Variants in PHF20 observed in about 807,000 individuals in gnomAD.
PHF20 encodes glioma-expressed antigen 2.
A neutral mutation model predicts 113.5 loss-of-function variants in PHF20; 23 were observed. That is an observed-to-expected ratio of 0.20 (90% CI 0.15 to 0.29). PHF20 has a LOEUF of 0.29. Ranked by LOEUF, PHF20 falls within the 10% of genes least tolerant of loss-of-function variation. The probability of loss-of-function intolerance (pLI) is 1.00; values close to 1 mark genes in which losing one functional copy is unlikely to be tolerated. For synonymous variants in PHF20, 434 were observed against 457.3 expected, an observed-to-expected ratio of 0.95 and a Z score of 0.65; for missense variants, 943 against 1,219.6, an observed-to-expected ratio of 0.77 and a Z score of 3.38.
intron 14 of PHF20, among the ~76,000 whole-genome samples, chr20:35,928,337 G>A (rs2055683351): frequency 6.6e-6 from 1 of 151,510 alleles, no homozygotes; most frequent in African/African-American, 2.4e-5. Context: ...TACTTGGGAG[G>A]CTGAGGCAGG....
chr20:35,793,870 C>T (rs986837961), intron 1 of PHF20, among the ~76,000 whole-genome samples: 1 of 148,548 alleles, frequency 6.7e-6, no homozygotes, highest in African/African-American at 2.5e-5. Flanking sequence ...TGGTGGTGCA[C>T]GCCTGTAATC....
chr20:35,889,294 G>A (rs945760621), intron 9 of PHF20, among the ~76,000 whole-genome samples: 7 of 152,004 alleles, frequency 4.6e-5, no homozygotes, highest in Non-Finnish European at 5.9e-5. Context: ...GATTATAGGC[G>A]TGAGCCACCG....
intron 10 of PHF20, 101 bp downstream of exon 10, chr20:35,899,749 C>A: frequency 1.6e-6 from 2 of 1,227,046 alleles, no homozygotes; most frequent in Non-Finnish European, 2.3e-6. Flanking sequence ...TTTGTCTGTT[C>A]CAGTTGAATC....
chr20:35,841,794 A>G (rs2042540537), intron 2 of PHF20, among the ~76,000 whole-genome samples: 1 of 152,076 alleles, frequency 6.6e-6, no homozygotes, highest in African/African-American at 2.4e-5. Context: ...CAACAACCAA[A>G]AAAACTGCAC....
At chr20:35,823,812 A>G (rs1349432220) in intron 2 of PHF20, among the ~76,000 whole-genome samples, 1 of 152,140 alleles carries the variant, frequency 6.6e-6, no homozygotes, top group Non-Finnish European at 1.5e-5. Context: ...AGTGTGTTAT[A>G]ATGGAATTAT....
At chr20:35,887,205 A>T (rs1363220697) in intron 9 of PHF20, among the ~76,000 whole-genome samples, 1 of 152,250 alleles carries the variant, frequency 6.6e-6, no homozygotes, top group Non-Finnish European at 1.5e-5. Flanking sequence ...TTACTCAAGT[A>T]TATATAGAAA....
chr20:35,835,734 A>G (rs898182383), intron 2 of PHF20, among the ~76,000 whole-genome samples: 3 of 152,158 alleles, frequency 2.0e-5, no homozygotes, highest in Non-Finnish European at 4.4e-5. Context: ...GTTTGAGACC[A>G]GCCTGGCCAA....
intron 1 of PHF20, among the ~76,000 whole-genome samples, chr20:35,785,222 T>C (rs2041384656): frequency 6.6e-6 from 1 of 152,192 alleles, no homozygotes; most frequent in Admixed American, 6.6e-5. Flanking sequence ...GTCAAGGATT[T>C]AGCATGTGGT....
intron 1 of PHF20, among the ~76,000 whole-genome samples, chr20:35,775,300 C>G (rs996466445): frequency 2.6e-5 from 4 of 152,048 alleles, no homozygotes; most frequent in South Asian, 2.1e-4. Context: ...GTTTCATACA[C>G]GAAGACAAAG....
chr20:35,794,275 G>A (rs1425097841), intron 1 of PHF20, among the ~76,000 whole-genome samples: 1 of 150,960 alleles, frequency 6.6e-6, no homozygotes, highest in African/African-American at 2.4e-5. Context: ...ACTCCAGCCT[G>A]GGCAACAAGA....
At chr20:35,801,256 G>T (rs146739417) in intron 1 of PHF20, among the ~76,000 whole-genome samples, 1 of 152,164 alleles carries the variant, frequency 6.6e-6, no homozygotes, top group African/African-American at 2.4e-5. Flanking sequence ...GCCCTTGTAG[G>T]TGAGTGGTAA....
At chr20:35,856,364 C>T (rs557803816) in intron 4 of PHF20, 12 of 152,180 alleles carry the variant, frequency 7.9e-5, no homozygotes, top group African/African-American at 1.2e-4. Flanking sequence ...ATCAGAATCA[C>T]CTGGAGGAGT....
chr20:35,917,334 C>T, intron 12 of PHF20, 150 bp from the exon 13 acceptor site: 3 of 764,854 alleles, frequency 3.9e-6, no homozygotes, highest in Non-Finnish European at 7.0e-6. Context: ...ATGACAGATC[C>T]AAGGACAGAT....
intron 3 of PHF20, among the ~76,000 whole-genome samples, chr20:35,846,040 C>T (rs992718029): frequency 2.6e-5 from 4 of 152,108 alleles, no homozygotes; most frequent in Non-Finnish European, 4.4e-5. Context: ...GCTGGGATTA[C>T]AGGCACGAGC....
Position 35,899,549 on chromosome 20 carries a change from A to G in PHF20, c.1462A>G (p.Ser488Gly). Reference sequence around the variant, plus strand: ...GGAGAAGTCACTGGAGCCAGAAGAGAGCCCGGGAAAGAGGCATGTCCAAAC... The same window carrying G: ...GGAGAAGTCACTGGAGCCAGAAGAGGGCCCGGGAAAGAGGCATGTCCAAAC... Reference protein sequence around the residue: ...GMEKSLEPEESPGKRHVQTRG... With the variant: ...GMEKSLEPEEGPGKRHVQTRG... The change falls in exon 10 of 18, where the codon AGC becomes GGC. Residue 488 changes from serine (S) to glycine (G), a missense_variant. Physicochemically the swap from Ser to Gly is moderately conservative, Grantham distance 56. Coordinates refer to ENST00000374012, the MANE Select transcript of PHF20 (RefSeq NM_016436.5). 2 of 1,614,120 alleles carry G rather than the reference A, an allele frequency of 1.2e-6. No individual in the cohort carries two copies. The highest frequency in any genetic ancestry group is 1.7e-6 in the Non-Finnish European group (2 of 1,180,000).
At chr20:35,799,230 C>A (rs1257148333) in intron 1 of PHF20, among the ~76,000 whole-genome samples, 2 of 121,880 alleles carry the variant, frequency 1.6e-5, no homozygotes, top group Admixed American at 1.1e-4. Flanking sequence ...GAGGCCCAGG[C>A]GGGAGGATTG....
chr20:35,918,070 T>TATAAAGCCAG (rs2055440226), intron 13 of PHF20, among the ~76,000 whole-genome samples: 1 of 152,218 alleles, frequency 6.6e-6, no homozygotes, highest in South Asian at 2.1e-4. Context: ...GCAGGCTGGC[T>TATAAAGCCAG]TTATAACTTC....
chr20:35,831,908 C>T (rs536191559), intron 2 of PHF20, among the ~76,000 whole-genome samples: 23 of 152,262 alleles, frequency 1.5e-4, no homozygotes, highest in African/African-American at 5.3e-4. Flanking sequence ...TTCTTCATCC[C>T]TCATGGAGAC....
rs559767103 is a variant in PHF20, at chr20:35,831,222, C to G, written c.84-11351C>G. ...TCACCCAGGGTGGAGTTCAGTAGTG[C>G]GATCATGACTCAACACAGCCTCAAC... On this transcript the variant is annotated intron_variant, in intron 2 of 17. Coordinates refer to ENST00000374012, the MANE Select transcript of PHF20 (RefSeq NM_016436.5). 5.3e-5 allele frequency among the ~76,000 whole-genome samples: 8 copies of G among 149,870 alleles called. No individual in the cohort carries two copies. The South Asian group carries it at 1.7e-3, about 32-fold the overall frequency.
Sources: allele counts gnomAD v4.1 joint callset (sites outside exome capture counted in the v4.1 genomes callset), GRCh38; gene constraint gnomAD v4.1.1; transcripts MANE v1.5; gene names NCBI Gene and HGNC (gene_info 2026-07-23, HGNC 2026-07-21).